Variants in HECW1 observed in about 807,000 individuals in gnomAD.
The protein encoded by HECW1 is E3 ubiquitin-protein ligase HECW1.
Under a neutral mutation model 182.3 loss-of-function variants are expected in HECW1, and 61 were observed. The observed-to-expected ratio is 0.33, with a 90% CI of 0.27 to 0.41. HECW1 has a LOEUF of 0.41. Among genes scored for constraint, HECW1 ranks in the 10% least tolerant of loss-of-function variants. The pLI, the probability that HECW1 is intolerant of heterozygous loss-of-function variation, is 1.00. For synonymous variants in HECW1, 859 were observed against 832.6 expected (o/e 1.03, Z -0.55); for missense variants, 1,739 against 2,108.9 (o/e 0.82, Z 3.44).
intron 2 of HECW1, among the ~76,000 whole-genome samples, chr7:43,201,871 T>A (rs550515579): frequency 4.4e-4 from 67 of 152,332 alleles, no homozygotes; most frequent in Non-Finnish European, 9.1e-4. Flanking sequence ...AATGTCCAAG[T>A]ATAGATAAAG....
At chr7:43,312,414 C>T (rs185934437) in intron 4 of HECW1, among the ~76,000 whole-genome samples, 2 of 152,314 alleles carry the variant, frequency 1.3e-5, no homozygotes, top group Admixed American at 6.5e-5. Context: ...AGTCTATGTG[C>T]TTATAAGACA....
chr7:43,242,276 G>A (rs767198759), intron 2 of HECW1, among the ~76,000 whole-genome samples: 15 of 152,220 alleles, frequency 9.9e-5, no homozygotes, highest in Non-Finnish European at 2.1e-4. Context: ...GGCCGGTTAG[G>A]CTCCATGGGA....
chr7:43,481,879 G>T (rs187212731), intron 17 of HECW1, among the ~76,000 whole-genome samples: 2 of 137,164 alleles, frequency 1.5e-5, no homozygotes, highest in African/African-American at 2.5e-5. Flanking sequence ...CCAGCTACTC[G>T]GGAGGCTGAG....
intron 15 of HECW1, among the ~76,000 whole-genome samples, chr7:43,468,350 A>G (rs2077873900): frequency 6.6e-6 from 1 of 152,120 alleles, no homozygotes; most frequent in East Asian, 1.9e-4. Context: ...GAGAGGAGTG[A>G]GGCTCAGGCA....
At chr7:43,396,451 C>T (rs1330208243) in intron 6 of HECW1, among the ~76,000 whole-genome samples, 4 of 152,206 alleles carry the variant, frequency 2.6e-5, no homozygotes, top group Non-Finnish European at 4.4e-5. Context: ...CAATAGTAAA[C>T]ATCTATTGAC....
intron 2 of HECW1, among the ~76,000 whole-genome samples, chr7:43,133,672 CCT>C (rs748017221): frequency 1.3e-5 from 2 of 151,776 alleles, no homozygotes; most frequent in East Asian, 1.9e-4. Flanking sequence ...TCTCTTCCTC[CCT>C]CTCTTTTTCA....
At chr7:43,400,107 G>A (rs2075358198) in intron 7 of HECW1, among the ~76,000 whole-genome samples, 1 of 152,082 alleles carries the variant, frequency 6.6e-6, no homozygotes, top group Admixed American at 6.5e-5. Context: ...ATGGTGGCAT[G>A]TACCTATAGT....
At chr7:43,535,468 C>T (rs2152950272) in intron 24 of HECW1, among the ~76,000 whole-genome samples, 1 of 152,216 alleles carries the variant, frequency 6.6e-6, no homozygotes, top group South Asian at 2.1e-4. Context: ...TGCTGATGTG[C>T]GCGCACCAAG....
At chr7:43,309,773 G>A (rs1487069496) in intron 3 of HECW1, among the ~76,000 whole-genome samples, 11 of 152,200 alleles carry the variant, frequency 7.2e-5, no homozygotes, top group Admixed American at 7.2e-4. Flanking sequence ...TTTAATGCAA[G>A]TTCATAAGAG....
chr7:43,148,585 T>C (rs1378777141), intron 2 of HECW1: 1 of 151,838 alleles, frequency 6.6e-6, no homozygotes, highest in Non-Finnish European at 1.5e-5. Flanking sequence ...GTAAACAGTG[T>C]TGGATACTTA....
intron 8 of HECW1, among the ~76,000 whole-genome samples, chr7:43,415,822 G>A (rs7794675): frequency 0.14 from 19,666 of 136,044 alleles, 1,372 homozygotes; most frequent in African/African-American, 0.21. Context: ...TGATCGCATC[G>A]GCTCCTGAGG....
chr7:43,499,068 C>T (rs1046624057), intron 19 of HECW1, among the ~76,000 whole-genome samples: 1 of 151,866 alleles, frequency 6.6e-6, no homozygotes, highest in Non-Finnish European at 1.5e-5. Context: ...ATCTCTTGAG[C>T]CCAGGAGTTC....
At chr7:43,302,155 C>A (rs150028867) in intron 3 of HECW1, among the ~76,000 whole-genome samples, 1 of 152,128 alleles carries the variant, frequency 6.6e-6, no homozygotes, top group African/African-American at 2.4e-5. Flanking sequence ...AATGAGGACA[C>A]GACCATGAAT....
intron 5 of HECW1, among the ~76,000 whole-genome samples, chr7:43,351,899 G>A (rs143202017): frequency 6.6e-6 from 1 of 152,194 alleles, no homozygotes; most frequent in African/African-American, 2.4e-5. Context: ...GAGGGCTAAG[G>A]CTGGTGTATT....
chr7:43,123,711 A>G (rs1785879632), intron 2 of HECW1, among the ~76,000 whole-genome samples: 1 of 152,066 alleles, frequency 6.6e-6, no homozygotes, highest in African/African-American at 2.4e-5. Flanking sequence ...AGGGTGGCAG[A>G]TGTTTCCAGA....
At chr7:43,472,375 A>G (rs764550293) in intron 16 of HECW1, among the ~76,000 whole-genome samples, 10 of 152,178 alleles carry the variant, frequency 6.6e-5, no homozygotes, top group Non-Finnish European at 1.3e-4. Flanking sequence ...TATTAGGTTT[A>G]TTGCTTATTG....
intron 2 of HECW1, among the ~76,000 whole-genome samples, chr7:43,232,656 T>A (rs1466125714): frequency 6.6e-6 from 1 of 152,062 alleles, no homozygotes; most frequent in Non-Finnish European, 1.5e-5. Context: ...AGAGGGATGG[T>A]GAAACTCATG....
chr7:43,542,131 C>A, intron 26 of HECW1, 133 bp downstream of exon 26: 1 of 718,116 alleles, frequency 1.4e-6, no homozygotes, highest in Non-Finnish European at 2.0e-6. Flanking sequence ...TGTTGGCCAT[C>A]CAATCTCCAG....
At chr7:43,400,362 C>T (rs1320404163) in intron 7 of HECW1, among the ~76,000 whole-genome samples, 1 of 152,170 alleles carries the variant, frequency 6.6e-6, no homozygotes, top group African/African-American at 2.4e-5. Context: ...AAGAGCAGAG[C>T]TAAGGATTCC....
Sources: gnomAD v4.1 joint callset for allele counts (sites outside exome capture counted in the v4.1 genomes callset) on GRCh38, gnomAD v4.1.1 for gene constraint, MANE v1.5 for transcripts, NCBI Gene and HGNC (gene_info 2026-07-23, HGNC 2026-07-21) for gene names.